MYO3A: variants seen among roughly 807,000 people sequenced by gnomAD.
MYO3A encodes the protein myosin IIIA.
A neutral mutation model predicts 192.7 loss-of-function variants in MYO3A; 180 were observed. The ratio of observed to expected loss-of-function variants is 0.93; its 90% CI spans 0.83 to 1.06. MYO3A has a LOEUF of 1.06. Ranked by LOEUF, MYO3A falls within the 50% of genes least tolerant of loss-of-function variation. MYO3A has a pLI of 0.00. For missense variants in MYO3A, 1,896 were observed against 1,905.0 expected (o/e 1.00, Z 0.09); for synonymous variants, 628 against 645.3 (o/e 0.97, Z 0.41).
chr10:26,090,388 G>A (rs947917390), intron 15 of MYO3A, among the ~76,000 whole-genome samples: 1 of 152,152 alleles, frequency 6.6e-6, no homozygotes, highest in Non-Finnish European at 1.5e-5. Flanking sequence ...CTAAGAAATA[G>A]CATAGTCAGG....
chr10:26,038,010 T>C (rs1591907), intron 10 of MYO3A, among the ~76,000 whole-genome samples: 25,301 of 152,150 alleles, frequency 0.17, 2,378 homozygotes, highest in Non-Finnish European at 0.21. Context: ...GAGCTCACTG[T>C]GGATTTATGG....
At chr10:26,016,280 A>T (rs546559855) in intron 6 of MYO3A, among the ~76,000 whole-genome samples, 3 of 152,210 alleles carry the variant, frequency 2.0e-5, no homozygotes, top group Non-Finnish European at 4.4e-5. Flanking sequence ...GTTTAAATAG[A>T]TATAGTTAAT....
At position 25,997,221 on chromosome 10, in the gene MYO3A, A is replaced by C. The variant is rs759720693; in HGVS notation, c.471A>C (p.Leu157=). ...GAGATGTGAAAGGCAATAACATTCT[A>C]TTGACCACGGAAGGTGGAGTGAAAC... ...IHRDVKGNNI[L]LTTEGGVKLV... Residue 157 remains leucine, a synonymous_variant, in exon 6 of 35, where the codon CTA becomes CTC. Transcript: ENST00000642920. 3 of 1,613,558 alleles carry C rather than the reference A, an allele frequency of 1.9e-6. No individual in the cohort carries two copies. In the South Asian group the frequency reaches 3.3e-5, roughly 18 times the overall value.
At chr10:26,081,133 T>TCCCCCCCA (rs1835905949) in intron 14 of MYO3A, among the ~76,000 whole-genome samples, 8 of 84,940 alleles carry the variant, frequency 9.4e-5, no homozygotes, top group Non-Finnish European at 1.7e-4. Flanking sequence ...TATATGCCCT[T>TCCCCCCCA]CCCCCCCCCC....
At chr10:26,192,166 G>A (rs1355260423) in intron 31 of MYO3A, among the ~76,000 whole-genome samples, 2 of 152,312 alleles carry the variant, frequency 1.3e-5, no homozygotes, top group African/African-American at 4.8e-5. Context: ...GAACATCCAA[G>A]TGTACAGATC....
chr10:26,021,439 G>T, intron 7 of MYO3A, 64 bp from the exon 8 acceptor site: 1 of 1,560,868 alleles, frequency 6.4e-7, no homozygotes, highest in Non-Finnish European at 8.8e-7. Flanking sequence ...TTTGTTCTAA[G>T]TATTTTATTA....
intron 20 of MYO3A, among the ~76,000 whole-genome samples, chr10:26,140,193 C>T (rs553045732): frequency 5.3e-5 from 8 of 152,276 alleles, no homozygotes; most frequent in African/African-American, 9.6e-5. Flanking sequence ...GCCATGTGGA[C>T]GCTTGCAGCC....
chr10:25,941,000 A>G (rs2130818324), intron 2 of MYO3A, among the ~76,000 whole-genome samples: 1 of 152,250 alleles, frequency 6.6e-6, no homozygotes, highest in East Asian at 1.9e-4. Context: ...CCTTTTCTCC[A>G]TTCTCTTATT....
chr10:26,158,469 A>G (rs541867191), intron 26 of MYO3A, among the ~76,000 whole-genome samples: 171 of 151,888 alleles, frequency 1.1e-3, no homozygotes, highest in African/African-American at 3.9e-3. Context: ...GTTAGCCAGG[A>G]TGGTCTCGAT....
chr10:26,061,048 C>A (rs1001624861), intron 10 of MYO3A, among the ~76,000 whole-genome samples: 9 of 152,056 alleles, frequency 5.9e-5, no homozygotes, highest in Non-Finnish European at 1.0e-4. Flanking sequence ...CCTGCCTCAG[C>A]CTCCTGAGTA....
rs1271115577 is a variant in MYO3A at position 26,212,521 on chromosome 10, C to G, written c.*558C>G. ...TTAAGGTCACTAAATAAAGGAAGTGCCTTGGAAAACCCGTGGTTTGCGTGA... is the reference window on the plus strand; with the variant it reads ...TTAAGGTCACTAAATAAAGGAAGTGGCTTGGAAAACCCGTGGTTTGCGTGA... On this transcript the variant is annotated 3_prime_UTR_variant, in exon 35 of 35. Transcript: ENST00000642920. 1 of 155,788 alleles carries G rather than the reference C, an allele frequency of 6.4e-6. No homozygotes were observed. The highest frequency in any genetic ancestry group is 1.9e-4 in the East Asian group (1 of 5,366). The allele number at this position is 155,788 out of a possible 1,614,324, so 9.7% of individuals were successfully genotyped here.
chr10:26,207,388 G>T (rs1844021515), intron 34 of MYO3A, among the ~76,000 whole-genome samples: 1 of 151,954 alleles, frequency 6.6e-6, no homozygotes, highest in Admixed American at 6.6e-5. Context: ...TTCTAGTTTT[G>T]CAGTTTCATG....
chr10:26,002,717 A>AGTC (rs1554800223), intron 6 of MYO3A, among the ~76,000 whole-genome samples: 4 of 149,700 alleles, frequency 2.7e-5, no homozygotes, highest in Non-Finnish European at 4.4e-5. Context: ...GAGGTAATTG[A>AGTC]AAAAGGTTGC....
rs1837165653 is a variant in MYO3A at position 25,950,853 on chromosome 10, A to G, written c.-17-1241A>G. Among the ~76,000 whole-genome samples the G allele has an allele frequency of 2.0e-5, 3 of 152,158 alleles. No individual in the cohort carries two copies. The South Asian group carries it at 6.2e-4, about 31-fold the overall frequency. On this transcript the variant is annotated intron_variant, in intron 2 of 34. Transcript: ENST00000642920. ...TTTCATGGGCTAATATGGAATATTA[A>G]TTTATATTGAAAAGAGTGTGGTTTG...
chr10:25,945,900 A>G (rs1310635294), intron 2 of MYO3A, among the ~76,000 whole-genome samples: 2 of 152,104 alleles, frequency 1.3e-5, no homozygotes, highest in Non-Finnish European at 2.9e-5. Context: ...TGTGGTTACC[A>G]TGGGGATTAT....
chr10:26,155,057 A>G (rs552483876), intron 25 of MYO3A, among the ~76,000 whole-genome samples: 1 of 152,342 alleles, frequency 6.6e-6, no homozygotes, highest in South Asian at 2.1e-4. Flanking sequence ...CTATACCTTG[A>G]TTAAAATTTG....
intron 34 of MYO3A, among the ~76,000 whole-genome samples, chr10:26,205,412 G>A (rs887518578): frequency 2.0e-5 from 3 of 147,184 alleles, no homozygotes; most frequent in Non-Finnish European, 4.4e-5. Context: ...CCCCAGTCCC[G>A]TGACCAGTGC....
chr10:26,092,301 C>T (rs1216113538), intron 15 of MYO3A, among the ~76,000 whole-genome samples: 1 of 152,012 alleles, frequency 6.6e-6, no homozygotes, highest in African/African-American at 2.4e-5. Context: ...CCCATCTCTA[C>T]TAAAAATACA....
At chr10:26,102,374 G>T (rs775569508) in intron 17 of MYO3A, among the ~76,000 whole-genome samples, 1 of 152,096 alleles carries the variant, frequency 6.6e-6, no homozygotes, top group South Asian at 2.1e-4. Context: ...TGTTATTACC[G>T]ATCATCTGAA....
Sources: gnomAD v4.1 joint callset for allele counts (sites outside exome capture counted in the v4.1 genomes callset) on GRCh38, gnomAD v4.1.1 for gene constraint, MANE v1.5 for transcripts, NCBI Gene and HGNC (gene_info 2026-07-23, HGNC 2026-07-21) for gene names.